Variants in CALN1 observed in about 807,000 individuals in gnomAD.
CALN1 encodes the protein calcium-binding protein 8.
In CALN1, 17 loss-of-function variants were observed where a neutral mutation model predicts 30.6. The observed-to-expected ratio is 0.56, with a 90% CI of 0.38 to 0.83. CALN1 has a LOEUF of 0.83. Ranked by LOEUF, CALN1 falls within the 40% of genes least tolerant of loss-of-function variation. CALN1 has a pLI of 0.00. For missense variants in CALN1, 291 were observed against 354.9 expected (o/e 0.82, Z 1.45); for synonymous variants, 156 against 131.4 (o/e 1.19, Z -1.28).
chr7:72,323,755 C>T (rs1801071428), intron 2 of CALN1, among the ~76,000 whole-genome samples: 1 of 151,866 alleles, frequency 6.6e-6, no homozygotes, highest in African/African-American at 2.4e-5. Flanking sequence ...TCATAATTTG[C>T]AGTTTAGGCT....
At chr7:71,832,556 A>C (rs970685542) in intron 5 of CALN1, among the ~76,000 whole-genome samples, 3 of 152,080 alleles carry the variant, frequency 2.0e-5, no homozygotes, top group Non-Finnish European at 1.5e-5. Flanking sequence ...AATGACTCTT[A>C]GTTCCTTCAT....
chr7:72,256,127 CT>C (rs1199951800), intron 3 of CALN1, among the ~76,000 whole-genome samples: 1 of 152,124 alleles, frequency 6.6e-6, no homozygotes, highest in African/African-American at 2.4e-5. Flanking sequence ...TAGATGGGGG[CT>C]TTTTTGCCCC....
chr7:72,286,179 G>C (rs1377569054), intron 2 of CALN1, among the ~76,000 whole-genome samples: 1 of 151,842 alleles, frequency 6.6e-6, no homozygotes, highest in East Asian at 1.9e-4. Context: ...ATTCTCTTCT[G>C]TTTCAGGGAC....
At chr7:72,117,331 AAGCCG>A (rs1210702326) in intron 3 of CALN1, among the ~76,000 whole-genome samples, 1 of 152,178 alleles carries the variant, frequency 6.6e-6, no homozygotes, top group Admixed American at 6.5e-5. Context: ...GGGACTGTCG[AAGCCG>A]AGGTTTTTGT....
chr7:72,048,680 T>C (rs745762076), intron 4 of CALN1, among the ~76,000 whole-genome samples: 11 of 151,810 alleles, frequency 7.2e-5, no homozygotes, highest in Non-Finnish European at 1.3e-4. Context: ...CCTCCTTCCT[T>C]GTCTGCCTCC....
At chr7:71,840,955 T>TG (rs1405784287) in intron 5 of CALN1, among the ~76,000 whole-genome samples, 1 of 132,618 alleles carries the variant, frequency 7.5e-6, no homozygotes, top group South Asian at 2.8e-4. Flanking sequence ...CCTTTTTCTT[T>TG]GGAAAAAAAA....
chr7:72,164,013 AAG>A (rs1449744450), intron 3 of CALN1, among the ~76,000 whole-genome samples: 5 of 152,206 alleles, frequency 3.3e-5, no homozygotes, highest in African/African-American at 1.2e-4. Context: ...ATACACATTA[AAG>A]AGAGAGAAAA....
intron 1 of CALN1, among the ~76,000 whole-genome samples, chr7:72,404,420 T>A (rs1806560537): frequency 6.6e-6 from 1 of 152,004 alleles, no homozygotes; most frequent in Non-Finnish European, 1.5e-5. Context: ...AAACAAACAA[T>A]AATAAAGACA....
intron 1 of CALN1, among the ~76,000 whole-genome samples, chr7:72,441,173 A>G (rs1430847757): frequency 6.6e-6 from 1 of 152,204 alleles, no homozygotes; most frequent in African/African-American, 2.4e-5. Context: ...CTGTGAAGAA[A>G]AAGAGAACAA....
At chr7:72,243,875 A>C (rs1794997952) in intron 3 of CALN1, among the ~76,000 whole-genome samples, 1 of 152,238 alleles carries the variant, frequency 6.6e-6, no homozygotes, top group Non-Finnish European at 1.5e-5. Flanking sequence ...AATACTGCTG[A>C]AACATATGAC....
At chr7:72,219,034 T>C (rs955539511) in intron 3 of CALN1, among the ~76,000 whole-genome samples, 1 of 152,204 alleles carries the variant, frequency 6.6e-6, no homozygotes, top group African/African-American at 2.4e-5. Context: ...GCACCCTACC[T>C]GAATTACCCC....
At chr7:72,387,459 C>T (rs1365125061) in intron 2 of CALN1, among the ~76,000 whole-genome samples, 1 of 152,142 alleles carries the variant, frequency 6.6e-6, no homozygotes, top group African/African-American at 2.4e-5. Flanking sequence ...TGTAACTTCA[C>T]GGTAGAGAAA....
the CALN1 span, among the ~76,000 whole-genome samples, chr7:72,499,899 TTCTTTCTTTCTTTCTATC>T: frequency 1.1e-3 from 56 of 53,258 alleles, 11 homozygotes; most frequent in South Asian, 2.3e-3. Flanking sequence ...CTTTCTTTCT[TTCTTTCTTTCTTTCTATC>T]TTTCTCTTTT....
intron 2 of CALN1, among the ~76,000 whole-genome samples, chr7:72,387,484 A>G (rs1172508838): frequency 6.6e-6 from 1 of 151,814 alleles, no homozygotes; most frequent in Non-Finnish European, 1.5e-5. Flanking sequence ...ACAAACACAC[A>G]CTCCCTCCGC....
chr7:72,145,233 T>C (rs981569473), intron 3 of CALN1, among the ~76,000 whole-genome samples: 25 of 151,632 alleles, frequency 1.6e-4, no homozygotes, highest in South Asian at 4.2e-4. Context: ...GCAAGACTAA[T>C]AAAGAAGCAA....
chr7:72,216,967 C>T (rs560367519), intron 3 of CALN1, among the ~76,000 whole-genome samples: 1 of 152,192 alleles, frequency 6.6e-6, no homozygotes, highest in East Asian at 1.9e-4. Flanking sequence ...TGGTCTCAAA[C>T]TCCTGGGCTC....
intron 4 of CALN1, among the ~76,000 whole-genome samples, chr7:72,069,283 T>A (rs1391206366): frequency 6.6e-6 from 1 of 152,156 alleles, no homozygotes; most frequent in African/African-American, 2.4e-5. Flanking sequence ...CTGGCCTTGG[T>A]GGATGGGTGT....
intron 5 of CALN1, among the ~76,000 whole-genome samples, chr7:71,929,921 G>T (rs543287169): frequency 6.6e-6 from 1 of 152,122 alleles, no homozygotes; most frequent in South Asian, 2.1e-4. Flanking sequence ...TGTGGGAATT[G>T]GTTTCAGGAC....
At chr7:72,005,674 A>G (rs1436140925) in intron 5 of CALN1, among the ~76,000 whole-genome samples, 4 of 152,122 alleles carry the variant, frequency 2.6e-5, no homozygotes, top group Admixed American at 2.0e-4. Flanking sequence ...AATCTCAAGC[A>G]TATTATGATG....
Sources: gnomAD v4.1 joint callset for allele counts (sites outside exome capture counted in the v4.1 genomes callset) on GRCh38, gnomAD v4.1.1 for gene constraint, MANE v1.5 for transcripts, NCBI Gene and HGNC (gene_info 2026-07-23, HGNC 2026-07-21) for gene names.